Variants in MECOM observed in about 807,000 individuals in gnomAD.
MECOM encodes the protein MDS1 and EVI1 complex locus.
In MECOM, 13 loss-of-function variants were observed where a neutral mutation model predicts 116.3. The ratio of observed to expected loss-of-function variants is 0.11; its 90% confidence interval spans 0.07 to 0.18. The LOEUF (loss-of-function observed/expected upper bound fraction) is 0.18. Among genes scored for constraint, MECOM ranks in the 10% least tolerant of loss-of-function variants. MECOM has a pLI of 1.00. For synonymous variants in MECOM, 528 were observed against 535.2 expected (o/e 0.99, Z 0.19); for missense variants, 1,299 against 1,509.0 (o/e 0.86, Z 2.31).
intron 1 of MECOM, among the ~76,000 whole-genome samples, chr3:169,387,618 AC>A: frequency 6.6e-6 from 1 of 152,348 alleles, no homozygotes; most frequent in Admixed American, 6.5e-5. Flanking sequence ...GAGCATATAT[AC>A]ATACTTTGAC....
In MECOM at chr3:169,102,220, C is replaced by T. The variant is rs371057960; in HGVS notation, c.2611G>A (p.Ala871Thr). The change falls in exon 11 of 17, where the codon GCT becomes ACT. Residue 871 changes from alanine to threonine, a missense_variant. Transcript: ENST00000651503. ...QLPDQRTWMSAIENMAEKLES... is the reference protein window; with the variant it reads ...QLPDQRTWMSTIENMAEKLES... Reference sequence around the variant, plus strand: ...AGCTTTTCTGCCATGTTTTCAATAGCTGACATCTGAAAGGTAAAAGCACAA... The same window carrying T: ...AGCTTTTCTGCCATGTTTTCAATAGTTGACATCTGAAAGGTAAAAGCACAA... The T allele has an allele frequency of 1.1e-4, 184 of 1,612,248 alleles. 1 individual carries two copies. The highest frequency in any genetic ancestry group is 5.8e-4 in the South Asian group (53 of 90,788).
intron 2 of MECOM, among the ~76,000 whole-genome samples, chr3:169,349,778 C>T (rs1725991824): frequency 6.6e-6 from 1 of 151,846 alleles, no homozygotes; most frequent in Non-Finnish European, 1.5e-5. Flanking sequence ...ATCTTTTCTT[C>T]TTTGAGTCTC....
chr3:169,163,756 A>G (rs1743177734), intron 2 of MECOM, among the ~76,000 whole-genome samples: 1 of 152,160 alleles, frequency 6.6e-6, no homozygotes, highest in African/African-American at 2.4e-5. Flanking sequence ...TAAGATGCCA[A>G]AGATACTATG....
intron 1 of MECOM, among the ~76,000 whole-genome samples, chr3:169,538,877 G>A (rs1439034894): frequency 6.6e-6 from 1 of 152,128 alleles, no homozygotes; most frequent in East Asian, 1.9e-4. Flanking sequence ...GAAGAATAGA[G>A]TTCTTACATT....
intron 5 of MECOM, among the ~76,000 whole-genome samples, chr3:169,126,123 AG>A (rs1278361055): frequency 2.0e-5 from 3 of 152,122 alleles, no homozygotes; most frequent in Non-Finnish European, 4.4e-5. Context: ...ACAGATAATT[AG>A]ATTTCCTTAT....
intron 2 of MECOM, among the ~76,000 whole-genome samples, chr3:169,175,192 C>T (rs947717649): frequency 6.6e-6 from 1 of 152,130 alleles, no homozygotes; most frequent in Non-Finnish European, 1.5e-5. Context: ...GTTTTCATGG[C>T]TTTGCATCTA....
intron 1 of MECOM, among the ~76,000 whole-genome samples, chr3:169,385,011 C>T (rs965747261): frequency 2.1e-5 from 3 of 144,264 alleles, no homozygotes; most frequent in Non-Finnish European, 4.5e-5. Flanking sequence ...GGCTGAGGCA[C>T]AAGAATTGCT....
chr3:169,504,809 G>C (rs1243090231), intron 1 of MECOM, among the ~76,000 whole-genome samples: 1 of 152,110 alleles, frequency 6.6e-6, no homozygotes, highest in Non-Finnish European at 1.5e-5. Context: ...ATTGTTTAAA[G>C]AAATCCCCCG....
At chr3:169,571,692 T>C (rs1223742890) in intron 1 of MECOM, among the ~76,000 whole-genome samples, 1 of 152,036 alleles carries the variant, frequency 6.6e-6, no homozygotes, top group Non-Finnish European at 1.5e-5. Context: ...ATACCACACA[T>C]CTACAACCAT....
At chr3:169,117,390 T>A (rs1162219822) in intron 7 of MECOM, among the ~76,000 whole-genome samples, 2 of 152,226 alleles carry the variant, frequency 1.3e-5, no homozygotes, top group Admixed American at 1.3e-4. Flanking sequence ...AAGACTGACA[T>A]AATTTACAAT....
intron 2 of MECOM, among the ~76,000 whole-genome samples, chr3:169,277,044 A>G (rs1323485352): frequency 6.6e-6 from 1 of 151,598 alleles, no homozygotes; most frequent in African/African-American, 2.4e-5. Flanking sequence ...AAGTGCTGTC[A>G]TAATTTTCTA....
At position 169,655,859 on chromosome 3, in the gene MECOM, T is replaced by C. The variant is rs899292220; in HGVS notation, c.37+7477A>G. ...GGAAACTGAAACCCACTAAGATTTA[T>C]TGAGCATGTGCCTTAGGTACTTTGC... On this transcript the variant is annotated intron_variant, in intron 1 of 16. Transcript: ENST00000651503. Among the ~76,000 whole-genome samples the C allele has an allele frequency of 2.0e-5, 3 of 152,348 alleles. No individual in the cohort carries two copies. The East Asian group carries it at 5.8e-4, about 29-fold the overall frequency.
chr3:169,652,808 T>C (rs953935191), intron 1 of MECOM, among the ~76,000 whole-genome samples: 3 of 152,254 alleles, frequency 2.0e-5, no homozygotes, highest in African/African-American at 4.8e-5. Context: ...TCTATATTAA[T>C]AGAGCATAAA....
At chr3:169,101,661 T>A (rs1378835005) in intron 11 of MECOM, among the ~76,000 whole-genome samples, 1 of 152,198 alleles carries the variant, frequency 6.6e-6, no homozygotes, top group Non-Finnish European at 1.5e-5. Context: ...TTTATTCACT[T>A]ATGGACCTTA....
intron 2 of MECOM, among the ~76,000 whole-genome samples, chr3:169,174,678 C>T (rs1055312084): frequency 7.2e-5 from 11 of 152,154 alleles, no homozygotes; most frequent in Admixed American, 1.3e-4. Flanking sequence ...ATCGGAAATT[C>T]TGAAAAATAG....
At chr3:169,143,323 C>T (rs957595561) in intron 3 of MECOM, among the ~76,000 whole-genome samples, 5 of 152,014 alleles carry the variant, frequency 3.3e-5, no homozygotes, top group African/African-American at 1.2e-4. Flanking sequence ...AAGTATATCA[C>T]TTCCAATTTC....
chr3:169,112,566 A>G (rs1449703545), intron 9 of MECOM, among the ~76,000 whole-genome samples: 4 of 152,192 alleles, frequency 2.6e-5, no homozygotes, highest in African/African-American at 4.8e-5. Context: ...TTAATAGCAG[A>G]CAATCATTTA....
chr3:169,576,724 C>T (rs1764536453), intron 1 of MECOM, among the ~76,000 whole-genome samples: 1 of 151,396 alleles, frequency 6.6e-6, no homozygotes. Context: ...TGGAAAGGTT[C>T]AGTGATGCAT....
intron 2 of MECOM, among the ~76,000 whole-genome samples, chr3:169,197,471 C>G (rs1748584224): frequency 6.6e-6 from 1 of 151,976 alleles, no homozygotes; most frequent in South Asian, 2.1e-4. Flanking sequence ...GGCTTCATGA[C>G]TGATTTCTAG....
Sources: allele counts gnomAD v4.1 joint callset (sites outside exome capture counted in the v4.1 genomes callset), GRCh38; gene constraint gnomAD v4.1.1; transcripts MANE v1.5; gene names NCBI Gene and HGNC (gene_info 2026-07-23, HGNC 2026-07-21).